Variants in DNAH8 observed in about 807,000 individuals in gnomAD.
DNAH8 encodes dynein axonemal heavy chain 8, also known as axonemal beta dynein heavy chain 8.
DNAH8 carries 382 observed loss-of-function variants against 562.1 expected under a neutral mutation model. That is an observed-to-expected ratio of 0.68 (90% CI 0.63 to 0.74). The LOEUF (loss-of-function observed/expected upper bound fraction) is 0.74. Among genes scored for constraint, DNAH8 ranks in the 30% least tolerant of loss-of-function variants. The pLI is 0.00. For synonymous variants in DNAH8, 1,881 were observed against 1,919.4 expected (o/e 0.98, Z 0.52); for missense variants, 5,203 against 5,620.4 (o/e 0.93, Z 2.37).
intron 4 of DNAH8, 141 bp from the exon 5 acceptor site, chr6:38,734,333 C>CT: frequency 1.2e-6 from 1 of 815,354 alleles, no homozygotes; most frequent in Non-Finnish European, 1.7e-6. Flanking sequence ...TAGACCCCCC[C>CT]CCAAAAAAAT....
At chr6:38,865,956 C>T (rs1777000970) in intron 45 of DNAH8, among the ~76,000 whole-genome samples, 1 of 152,216 alleles carries the variant, frequency 6.6e-6, no homozygotes, top group South Asian at 2.1e-4. Context: ...CTCCAACCTT[C>T]CTTTGAGACT....
rs1774916072 is a variant in DNAH8, at chr6:38,842,700, G to A, written c.4642G>A (p.Ala1548Thr). ...KLPKGLKDWQ[A>T]FLDLKKRIDD... ...TCCAAAAGGACTTAAAGATTGGCAA[G>A]CTTTTTTGGATCTCAAAAAGAGAAT... Residue 1548 changes from alanine to threonine, a missense_variant, in exon 35 of 93, where the codon GCT (alanine) becomes ACT (threonine). Physicochemically the swap from Ala to Thr is moderately conservative, Grantham distance 58 (BLOSUM62 0). Transcript: ENST00000327475. The A allele has an allele frequency of 1.2e-6, 2 of 1,613,556 alleles. No homozygotes were observed. The highest frequency in any genetic ancestry group is 4.5e-5 in the East Asian group (2 of 44,818).
In DNAH8 at chr6:38,949,534, A is replaced by G; in HGVS notation, c.12212A>G (p.Asp4071Gly). 1 of 1,611,476 alleles carries G rather than the reference A, an allele frequency of 6.2e-7. No individual in the cohort carries two copies. Among genetic ancestry groups the G allele is most frequent in the Non-Finnish European group, 8.5e-7 (1 of 1,177,696 alleles). ...GAAATTATCCCTGATGGATATAATG[A>G]TTCACTAGATACCTGCCATAAACTT... is the stretch of plus-strand genomic sequence containing the variant. The part of the protein sequence containing the change: ...EEEIIPDGYN[D>G]SLDTCHKLLL... The change falls in exon 81 of 93, where the codon GAT becomes GGT. Residue 4071 changes from aspartate to glycine, a missense_variant. Physicochemically the swap from Asp to Gly is moderately conservative, Grantham distance 94 (BLOSUM62 -1). Coordinates refer to ENST00000327475, the MANE Select transcript of DNAH8 (RefSeq NM_001206927.2).
chr6:38,833,542 A>T (rs1774025788), intron 31 of DNAH8, among the ~76,000 whole-genome samples: 1 of 152,220 alleles, frequency 6.6e-6, no homozygotes, highest in South Asian at 2.1e-4. Flanking sequence ...AAATCTGAAC[A>T]CACTATTTCT....
At chr6:38,726,609 A>T (rs1763240918) in intron 3 of DNAH8, among the ~76,000 whole-genome samples, 1 of 152,198 alleles carries the variant, frequency 6.6e-6, no homozygotes, top group Non-Finnish European at 1.5e-5. Context: ...TTTCCTTAAG[A>T]GTTGCTTGTG....
chr6:38,994,163 GA>G (rs1205239419), intron 88 of DNAH8, among the ~76,000 whole-genome samples: 1 of 152,122 alleles, frequency 6.6e-6, no homozygotes, highest in Non-Finnish European at 1.5e-5. Context: ...GTGAAATTGA[GA>G]AAATTTTCAT....
At position 38,737,824 on chromosome 6, in the gene DNAH8, T is replaced by C. The variant is rs899809874; in HGVS notation, c.968T>C (p.Ile323Thr). 1 of 1,544,428 alleles carries C rather than the reference T, an allele frequency of 6.5e-7. No individual in the cohort carries two copies. The highest frequency in any genetic ancestry group is 8.7e-7 in the Non-Finnish European group (1 of 1,149,664). ...LSFLDGARIS[I>T]EGTVKLKTID... Reference sequence around the variant, plus strand: ...TCCTTTTTAGGTGCTAGAATAAGTATTGAGGGAACAGTGAAGTTAAAGACA... The same window carrying C: ...TCCTTTTTAGGTGCTAGAATAAGTACTGAGGGAACAGTGAAGTTAAAGACA... The change falls in exon 7 of 93, where the codon ATT becomes ACT. Residue 323 changes from isoleucine (I) to threonine (T), a missense_variant. Coordinates refer to ENST00000327475, the MANE Select transcript of DNAH8 (RefSeq NM_001206927.2).
chr6:39,013,463 A>G (rs776499522), intron 91 of DNAH8, among the ~76,000 whole-genome samples: 2 of 152,322 alleles, frequency 1.3e-5, no homozygotes, highest in Admixed American at 6.5e-5. Flanking sequence ...TACATGCGGT[A>G]TGGTTCCATT....
intron 32 of DNAH8, among the ~76,000 whole-genome samples, chr6:38,834,859 AT>A (rs1774147508): frequency 6.6e-6 from 1 of 152,236 alleles, no homozygotes. Context: ...AATAAGACTG[AT>A]TCTCAACTTA....
At chr6:38,979,657 G>A (rs1173255928) in intron 85 of DNAH8, among the ~76,000 whole-genome samples, 1 of 152,192 alleles carries the variant, frequency 6.6e-6, no homozygotes, top group African/African-American at 2.4e-5. Flanking sequence ...AAAATTGGTA[G>A]TAAGAAATAT....
At chr6:38,779,147 A>G (rs1373451961) in intron 14 of DNAH8, among the ~76,000 whole-genome samples, 2 of 152,144 alleles carry the variant, frequency 1.3e-5, no homozygotes, top group African/African-American at 4.8e-5. Flanking sequence ...CAGCACAGGG[A>G]GGGCTCAAGA....
intron 21 of DNAH8, among the ~76,000 whole-genome samples, chr6:38,802,791 T>C (rs1770898158): frequency 6.6e-6 from 1 of 152,250 alleles, no homozygotes; most frequent in Non-Finnish European, 1.5e-5. Flanking sequence ...AAAAACTTTA[T>C]CTAATTTAAC....
intron 35 of DNAH8, among the ~76,000 whole-genome samples, chr6:38,845,332 C>A (rs1213557373): frequency 3.3e-5 from 5 of 152,128 alleles, no homozygotes. Context: ...GATTTAAGTT[C>A]CATTGTTTCA....
In DNAH8 at chr6:38,755,825, A is replaced by G. The variant is rs1765853621; in HGVS notation, c.1408-147A>G. The G allele has an allele frequency of 5.1e-6, 3 of 584,928 alleles. No homozygotes were observed. In the Admixed American group the frequency reaches 9.0e-5, roughly 18 times the overall value. 36.2% of individuals were successfully genotyped at this position (584,928 alleles called of 1,614,324 possible). A position where few individuals can be genotyped will look rare whatever the true frequency, so the allele number is the denominator to read the frequency against. ...TTATCTGTTCCAGGGTCTAGTCTAGAATACTGCATTGGATTTAGTAAAATT... is the reference window on the plus strand; with the variant it reads ...TTATCTGTTCCAGGGTCTAGTCTAGGATACTGCATTGGATTTAGTAAAATT... On this transcript the variant is annotated intron_variant, in intron 9 of 92. Transcript: ENST00000327475.
chr6:38,933,239 G>C (rs1782694884), intron 76 of DNAH8, among the ~76,000 whole-genome samples: 1 of 152,062 alleles, frequency 6.6e-6, no homozygotes, highest in South Asian at 2.1e-4. Flanking sequence ...ACTGTCTAAA[G>C]GTCCCCAGGG....
chr6:38,941,135 A>C (rs1290895930), intron 79 of DNAH8, among the ~76,000 whole-genome samples: 1 of 151,632 alleles, frequency 6.6e-6, no homozygotes, highest in African/African-American at 2.4e-5. Context: ...AAAAAAAAGG[A>C]ATCTAGACAG....
chr6:38,901,074 G>T (rs140190320), intron 62 of DNAH8, among the ~76,000 whole-genome samples: 1 of 151,578 alleles, frequency 6.6e-6, no homozygotes, highest in Non-Finnish European at 1.5e-5. Context: ...ATTTGTTTGC[G>T]ATTCTTTCTT....
chr6:38,813,971 T>A, intron 24 of DNAH8, 83 bp from the exon 25 acceptor site: 1 of 986,008 alleles, frequency 1.0e-6, no homozygotes, highest in Non-Finnish European at 1.6e-6. Context: ...ATCTTTATTG[T>A]TCGGACTGAA....
intron 87 of DNAH8, among the ~76,000 whole-genome samples, chr6:38,989,441 A>G (rs1467898920): frequency 6.6e-6 from 1 of 152,274 alleles, no homozygotes; most frequent in African/African-American, 2.4e-5. Flanking sequence ...TAAGGCAAAC[A>G]GCAAGGCAGC....
Sources: gnomAD v4.1 joint callset for allele counts (sites outside exome capture counted in the v4.1 genomes callset) on GRCh38, gnomAD v4.1.1 for gene constraint, MANE v1.5 for transcripts, NCBI Gene and HGNC (gene_info 2026-07-23, HGNC 2026-07-21) for gene names.